Variants in DMWD observed in about 807,000 individuals in gnomAD.
DMWD encodes the protein DM1 locus, WD repeat containing.
Under a neutral mutation model 45.8 loss-of-function variants are expected in DMWD, and 19 were observed. That is an observed-to-expected ratio of 0.41 (90% CI 0.29 to 0.61). The LOEUF (loss-of-function observed/expected upper bound fraction) is 0.61, where lower values mean the gene tolerates loss of function less well. DMWD is among the 20% of genes least tolerant of loss of function. The pLI is 0.25. For missense variants in DMWD, 802 were observed against 965.2 expected (o/e 0.83, Z 2.24); for synonymous variants, 515 against 440.5 (o/e 1.17, Z -2.12).
chr19:45,784,014 T>G lies in DMWD; in HGVS notation c.*229A>C. 2 of 635,266 alleles carry G rather than the reference T, an allele frequency of 3.1e-6. No individual in the cohort carries two copies. The highest frequency in any genetic ancestry group is 3.0e-5 in the East Asian group (1 of 33,098). 39.4% of individuals were successfully genotyped at this position (635,266 alleles called of 1,614,324 possible). The stretch of plus-strand genomic sequence containing the variant: ...AACACTGATGTTTCAGAGGAAGAGG[T>G]CATTGTACTTGGCAGTGGGTGGGGG... On this transcript the variant is annotated 3_prime_UTR_variant, in exon 5 of 5. Coordinates refer to ENST00000270223, the MANE Select transcript of DMWD (RefSeq NM_004943.2).
Position 45,791,094 on chromosome 19 carries a change from G to A in DMWD, c.442-7C>T, listed in dbSNP as rs1255308695. The A allele has an allele frequency of 1.9e-6, 3 of 1,604,558 alleles. No individual in the cohort carries two copies. The highest frequency in any genetic ancestry group is 1.7e-6 in the Non-Finnish European group (2 of 1,175,106). On this transcript the variant is annotated splice_region_variant and splice_polypyrimidine_tract_variant and intron_variant, in intron 1 of 4. Coordinates refer to ENST00000270223, the MANE Select transcript of DMWD (RefSeq NM_004943.2). ...GCTTGTTGAGGTCAATGGACTTGAG[G>A]GGTGGGAGAAAAGGAGTTAATGGTG...
At chr19:45,792,082 A>G (rs1181615889) in intron 1 of DMWD, among the ~76,000 whole-genome samples, 1 of 152,068 alleles carries the variant, frequency 6.6e-6, no homozygotes, top group Non-Finnish European at 1.5e-5. Context: ...ACTCCTACGC[A>G]TAACGGGGGT....
rs1459320425 is a variant in DMWD, at chr19:45,783,883, G to A, written c.*360C>T. On this transcript the variant is annotated 3_prime_UTR_variant, in exon 5 of 5. Transcript: ENST00000270223. ...CGAGGGCTGGACCACCCCCGGCCCTGCCCACTCAACTGAGGGGCACACTGC... is the reference window on the plus strand; with the variant it reads ...CGAGGGCTGGACCACCCCCGGCCCTACCCACTCAACTGAGGGGCACACTGC... The A allele has an allele frequency of 1.0e-5, 5 of 492,330 alleles. No homozygotes were observed. The highest frequency in any genetic ancestry group is 1.8e-5 in the Non-Finnish European group (5 of 282,866). 30.5% of individuals were successfully genotyped at this position (492,330 alleles called of 1,614,324 possible). A position where few individuals can be genotyped will look rare whatever the true frequency, so the allele number is the denominator to read the frequency against.
intron 2 of DMWD, chr19:45,789,552 C>A (rs1970326760): frequency 6.6e-6 from 1 of 152,232 alleles, no homozygotes. Context: ...AGAATGGTCA[C>A]CTTCCCAAAG....
At position 45,786,283 on chromosome 19, in the gene DMWD, GCTC is replaced by G. The variant is rs749626372; in HGVS notation, c.1210_1212del (p.Glu404del). 2.3e-5 allele frequency: 37 copies of G among 1,604,230 alleles called. No individual in the cohort carries two copies. The highest frequency in any genetic ancestry group is 1.8e-4 in the East Asian group (8 of 44,634). On this transcript the variant is annotated inframe_deletion, in exon 3 of 5. Coordinates refer to ENST00000270223, the MANE Select transcript of DMWD (RefSeq NM_004943.2). ...GCCGAGCCTGTGCCCGCAGCCTCGG[GCTC>G]CTCCTCCTCCTCTTCGCCGCTCCGC... is the stretch of plus-strand genomic sequence containing the variant.
intron 1 of DMWD, among the ~76,000 whole-genome samples, chr19:45,792,042 C>T (rs1324239340): frequency 6.6e-6 from 1 of 152,086 alleles, no homozygotes; most frequent in African/African-American, 2.4e-5. Flanking sequence ...TCTCAGATAC[C>T]CCATCATGTC....
At chr19:45,788,574 T>C (rs1970313338) in intron 2 of DMWD, among the ~76,000 whole-genome samples, 1 of 152,202 alleles carries the variant, frequency 6.6e-6, no homozygotes, top group African/African-American at 2.4e-5. Flanking sequence ...CCTCAGTAAC[T>C]GCACTGGCCA....
chr19:45,784,256 C>A lies in DMWD; in HGVS notation c.2012G>T (p.Gly671Val). Residue 671 changes from glycine (G) to valine (V), a missense_variant, in exon 5 of 5, where the codon GGC becomes GTC. Around this residue, in one of 9 missense-constraint regions of DMWD, gnomAD observed 303 missense variants for 332.9 expected, o/e 0.91. Coordinates refer to ENST00000270223, the MANE Select transcript of DMWD (RefSeq NM_004943.2). ...ISSQPGNSPS[G>V]TVV ...ATATCCATGGCTTCACACCACTGTGCCACTCGGGGAGTTGCCTGGTTGGGA... is the reference window on the plus strand; with the variant it reads ...ATATCCATGGCTTCACACCACTGTGACACTCGGGGAGTTGCCTGGTTGGGA... 6.5e-7 allele frequency: 1 copy of A among 1,531,394 alleles called. No individual in the cohort carries two copies. Among genetic ancestry groups the A allele is most frequent in the Non-Finnish European group, 8.8e-7 (1 of 1,140,038 alleles). 94.9% of individuals were successfully genotyped at this position (1,531,394 alleles called of 1,614,324 possible).
At position 45,785,912 on chromosome 19, in the gene DMWD, C is replaced by G. The variant is rs1489333240; in HGVS notation, c.1584G>C (p.Leu528=). Residue 528 remains leucine, a synonymous_variant, in exon 3 of 5, where the codon CTG becomes CTC. Coordinates refer to ENST00000270223, the MANE Select transcript of DMWD (RefSeq NM_004943.2). Reference sequence around the variant, plus strand: ...CTGCCCCCCGGTCCCGCCGCTCCTGCAGTGTGAGCGTGGCGAAGCGGCCAA... The same window carrying G: ...CTGCCCCCCGGTCCCGCCGCTCCTGGAGTGTGAGCGTGGCGAAGCGGCCAA... ...FSIGRFATLT[L]QERRDRGAEK... 2 of 1,603,366 alleles carry G rather than the reference C, an allele frequency of 1.2e-6. No individual in the cohort carries two copies. Among genetic ancestry groups the G allele is most frequent in the Admixed American group, 3.3e-5 (2 of 59,948 alleles).
intron 3 of DMWD, chr19:45,785,390 T>TCTGCTGC (rs1246807377): frequency 3.2e-6 from 4 of 1,252,090 alleles, no homozygotes; most frequent in South Asian, 3.4e-5. Context: ...CACCCCTCTT[T>TCTGCTGC]CTGCTGCCTG....
In DMWD at chr19:45,792,443, T is replaced by A; in HGVS notation, c.314A>T (p.Asp105Val). ...RLSLVRLGEP[D>V]SAGAGEPPAT... is the part of the protein sequence containing the mutation. ...GGGCGGCTCCCCGGCCCCGGCGCTG[T>A]CCGGCTCCCCGAGGCGCACGAGGCT... Residue 105 changes from aspartate (D) to valine (V), a missense_variant, in exon 1 of 5, where the codon GAC (aspartate) becomes GTC (valine). Physicochemically the swap from Asp to Val is radical, Grantham distance 152. Transcript: ENST00000270223. 6.6e-7 allele frequency: 1 copy of A among 1,511,436 alleles called. No individual in the cohort carries two copies. Among genetic ancestry groups the A allele is most frequent in the South Asian group, 1.2e-5 (1 of 81,222 alleles). The allele number at this position is 1,511,436 out of a possible 1,614,324, so 93.6% of individuals were successfully genotyped here. A position where few individuals can be genotyped will look rare whatever the true frequency, so the allele number is the denominator to read the frequency against.
chr19:45,788,064 G>A (rs926228475), intron 2 of DMWD, among the ~76,000 whole-genome samples: 4 of 151,888 alleles, frequency 2.6e-5, no homozygotes, highest in Admixed American at 6.6e-5. Context: ...GCGACAGAGC[G>A]AGACTCCACC....
chr19:45,784,261 C>A lies in DMWD; in HGVS notation c.2007G>T (p.Pro669=). 2 of 1,525,606 alleles carry A rather than the reference C, an allele frequency of 1.3e-6. No homozygotes were observed. Among genetic ancestry groups the A allele is most frequent in the Non-Finnish European group, 1.8e-6 (2 of 1,137,022 alleles). 94.5% of individuals were successfully genotyped at this position (1,525,606 alleles called of 1,614,324 possible). The change falls in exon 5 of 5, where the codon CCG becomes CCT. Residue 669 remains proline (P), a synonymous_variant. Transcript: ENST00000270223. The part of the protein sequence containing the change: ...EGISSQPGNS[P]SGTVV ...CATGGCTTCACACCACTGTGCCACT[C>A]GGGGAGTTGCCTGGTTGGGAGGAGA...
In DMWD at chr19:45,786,244, G is replaced by A. The variant is rs1970274492; in HGVS notation, c.1252C>T (p.Leu418Phe). 2 of 1,609,406 alleles carry A rather than the reference G, an allele frequency of 1.2e-6. No individual in the cohort carries two copies. The highest frequency in any genetic ancestry group is 1.7e-6 in the Non-Finnish European group (2 of 1,177,530). The change falls in exon 3 of 5, where the codon CTC (leucine) becomes TTC (phenylalanine). Residue 418 changes from leucine to phenylalanine, a missense_variant. Coordinates refer to ENST00000270223, the MANE Select transcript of DMWD (RefSeq NM_004943.2). The part of the protein sequence containing the change: ...AGTGSAGGAP[L>F]SPLPKAGSIT... ...GAGCCAGCCTTGGGCAGTGGAGAGAGCGGGGCGCCCCCGGCCGAGCCTGTG... is the reference window on the plus strand; with the variant it reads ...GAGCCAGCCTTGGGCAGTGGAGAGAACGGGGCGCCCCCGGCCGAGCCTGTG...
At position 45,784,223 on chromosome 19, in the gene DMWD, G is replaced by A; in HGVS notation, c.*20C>T. 5 of 1,564,880 alleles carry A rather than the reference G, an allele frequency of 3.2e-6. No individual in the cohort carries two copies. The highest frequency in any genetic ancestry group is 4.3e-6 in the Non-Finnish European group (5 of 1,157,266). On this transcript the variant is annotated 3_prime_UTR_variant, in exon 5 of 5. Transcript: ENST00000270223. Reference sequence around the variant, plus strand: ...AGGAGGCTGGGGGCATGGGGTTGGGGGGGCCCGATATCCATGGCTTCACAC... The same window carrying A: ...AGGAGGCTGGGGGCATGGGGTTGGGAGGGCCCGATATCCATGGCTTCACAC...
rs1302938830 is a variant in DMWD at position 45,786,021 on chromosome 19, C to T, written c.1475G>A (p.Arg492His). The change falls in exon 3 of 5, where the codon CGC becomes CAC. Residue 492 changes from arginine to histidine, a missense_variant. Arg to His is a conservative substitution (Grantham distance 29, BLOSUM62 0). Around this residue, in one of 9 missense-constraint regions of DMWD, gnomAD observed 303 missense variants for 332.9 expected, o/e 0.91. Transcript: ENST00000270223. Reference sequence around the variant, plus strand: ...AGCTGGGTGCGGGAGACTGTTGGAGCGGGACAGCGAGCGAGGCAGGGGGCC... The same window carrying T: ...AGCTGGGTGCGGGAGACTGTTGGAGTGGGACAGCGAGCGAGGCAGGGGGCC... ...GPGPLPRSLS[R>H]SNSLPHPAGG... is the part of the protein sequence containing the mutation. 6 of 1,553,084 alleles carry T rather than the reference C, an allele frequency of 3.9e-6. No homozygotes were observed. Among genetic ancestry groups the T allele is most frequent in the Admixed American group, 1.8e-5 (1 of 54,162 alleles).
At position 45,786,566 on chromosome 19, in the gene DMWD, G is replaced by A. The variant is rs1970281717; in HGVS notation, c.930C>T (p.Val310=). 3 of 1,614,046 alleles carry A rather than the reference G, an allele frequency of 1.9e-6. No homozygotes were observed. The highest frequency in any genetic ancestry group is 2.2e-5 in the East Asian group (1 of 44,878). The change falls in exon 3 of 5, where the codon GTC becomes GTT. Residue 310 remains valine, a synonymous_variant. Transcript: ENST00000270223. The stretch of plus-strand genomic sequence containing the variant: ...GCAGGAGCATGGAGTCGAAGTGGAA[G>A]ACGCGCAGGCAGCCATCCTGGCTCA... ...ACVSQDGCLR[V]FHFDSMLLRG...
At position 45,784,508 on chromosome 19, in the gene DMWD, C is replaced by CT. The variant is rs1600460780; in HGVS notation, c.1977+132_1977+133insA. 1.3e-5 allele frequency: 17 copies of CT among 1,354,802 alleles called. No individual in the cohort carries two copies. The East Asian group carries it at 5.0e-4, about 40-fold the overall frequency. 83.9% of individuals were successfully genotyped at this position (1,354,802 alleles called of 1,614,324 possible). The stretch of plus-strand genomic sequence containing the variant: ...GCAGTCAGCACTTTCACGCAATAAT[C>CT]AAAGTCCTTGGCGGATCCTGAGTGA... On this transcript the variant is annotated intron_variant, in intron 4 of 4. Coordinates refer to ENST00000270223, the MANE Select transcript of DMWD (RefSeq NM_004943.2).
Position 45,785,720 on chromosome 19 carries a change from C to T in DMWD, c.1776G>A (p.Leu592=), listed in dbSNP as rs777914299. The change falls in exon 3 of 5, where the codon CTG becomes CTA. Residue 592 remains leucine, a synonymous_variant. Coordinates refer to ENST00000270223, the MANE Select transcript of DMWD (RefSeq NM_004943.2). ...ALCPRIHEVP[L]LEPLVCKKIA... is the part of the protein sequence containing the mutation. ...TCTTCTTGCACACAAGGGGCTCCAG[C>T]AGGGGCACCTCGTGGATGCGCGGGC... is the stretch of plus-strand genomic sequence containing the variant. 3 of 1,606,026 alleles carry T rather than the reference C, an allele frequency of 1.9e-6. No individual in the cohort carries two copies. Among genetic ancestry groups the T allele is most frequent in the African/African-American group, 1.3e-5 (1 of 74,644 alleles).
Sources: allele counts gnomAD v4.1 joint callset (sites outside exome capture counted in the v4.1 genomes callset), GRCh38; gene constraint gnomAD v4.1.1; regional missense constraint gnomAD v4.1.1; transcripts MANE v1.5; gene names NCBI Gene and HGNC (gene_info 2026-07-23, HGNC 2026-07-21).